The following MAMLD1 variants were observed in gnomAD, a reference collection of about 807,000 sequenced individuals.
MAMLD1 encodes mastermind-like domain-containing protein 1.
In MAMLD1, 14 loss-of-function variants were observed where a neutral mutation model predicts 45.0. The ratio of observed to expected loss-of-function variants is 0.31; its 90% CI spans 0.21 to 0.49. The LOEUF (loss-of-function observed/expected upper bound fraction) is 0.49. Among genes scored for constraint, MAMLD1 ranks in the 20% least tolerant of loss-of-function variants. The pLI is 0.99. For synonymous variants in MAMLD1, 254 were observed against 247.8 expected, an observed-to-expected ratio of 1.02 and a Z score of -0.24; for missense variants, 543 against 603.6, an observed-to-expected ratio of 0.90 and a Z score of 1.05.
At chrX:150,409,250 C>G (rs1557402759) in intron 1 of MAMLD1, among the ~76,000 whole-genome samples, 17 of 111,878 alleles carry the variant, frequency 1.5e-4, no homozygotes, top group African/African-American at 5.5e-4. Context: ...CTTACCTTTG[C>G]TGGGTAGTCA....
chrX:150,475,364 T>A (rs782492047), intron 5 of MAMLD1, among the ~76,000 whole-genome samples: 1 of 111,697 alleles, frequency 9.0e-6, no homozygotes, highest in South Asian at 3.7e-4. Flanking sequence ...CCACCGCACC[T>A]GGTCTAGATC....
chrX:150,401,838 T>C (rs1461844923), intron 1 of MAMLD1, among the ~76,000 whole-genome samples: 10 of 110,575 alleles, frequency 9.0e-5, no homozygotes, highest in Non-Finnish European at 1.7e-4. Context: ...CCCTATTTAA[T>C]AAATGGTGCT....
chrX:150,444,616 T>C (rs1049118843), intron 1 of MAMLD1, among the ~76,000 whole-genome samples: 6 of 112,110 alleles, frequency 5.4e-5, no homozygotes, highest in Admixed American at 1.9e-4. Flanking sequence ...TACTTCTCCA[T>C]ATTTCCAGAG....
At chrX:150,496,226 G>T (rs1396770182) in intron 5 of MAMLD1, among the ~76,000 whole-genome samples, 1 of 112,586 alleles carries the variant, frequency 8.9e-6, no homozygotes, top group Non-Finnish European at 1.9e-5. Context: ...GGCAGGTGGG[G>T]GTTGGGGTGA....
chrX:150,437,419 T>C (rs1335665447), intron 1 of MAMLD1, among the ~76,000 whole-genome samples: 1 of 112,079 alleles, frequency 8.9e-6, no homozygotes, highest in African/African-American at 3.2e-5. Flanking sequence ...TTATGTTGAA[T>C]ATCAGTGTCA....
chrX:150,398,343 GGAA>G (rs1211927950), intron 1 of MAMLD1, among the ~76,000 whole-genome samples: 1 of 56,469 alleles, frequency 1.8e-5, no homozygotes, highest in South Asian at 8.4e-4. Flanking sequence ...AAGAAGAAGA[GGAA>G]GAGGAAGAGG....
chrX:150,415,690 A>T (rs2034231399), intron 1 of MAMLD1, among the ~76,000 whole-genome samples: 1 of 112,320 alleles, frequency 8.9e-6, no homozygotes, highest in Non-Finnish European at 1.9e-5. Context: ...ATGGTAGTGG[A>T]TGACATTCCA....
At chrX:150,398,335 GAAGAAGAGGAAGAGGAAGA>G (rs2033586668) in intron 1 of MAMLD1, among the ~76,000 whole-genome samples, 1 of 76,691 alleles carries the variant, frequency 1.3e-5, no homozygotes, top group Admixed American at 1.7e-4. Context: ...AGAAGAAGAA[GAAGAAGAGGAAGAGGAAGA>G]GGAAGAGGAA....
intron 5 of MAMLD1, among the ~76,000 whole-genome samples, chrX:150,500,468 C>T (rs2037520044): frequency 9.0e-6 from 1 of 111,200 alleles, no homozygotes; most frequent in Non-Finnish European, 1.9e-5. Flanking sequence ...GGAAACTGGG[C>T]TGACCTGGTT....
chrX:150,385,266 C>T (rs1047548504), intron 1 of MAMLD1, among the ~76,000 whole-genome samples: 1 of 94,957 alleles, frequency 1.1e-5, no homozygotes, highest in African/African-American at 4.2e-5. Context: ...TTCTTTATGC[C>T]TGAACAATAC....
At chrX:150,505,416 G>A (rs1487018672) in intron 6 of MAMLD1, among the ~76,000 whole-genome samples, 2 of 111,988 alleles carry the variant, frequency 1.8e-5, no homozygotes, top group African/African-American at 6.5e-5. Context: ...AGAGACACAC[G>A]GTGTTATCCC....
At chrX:150,439,355 TTTG>T (rs2035222291) in intron 1 of MAMLD1, among the ~76,000 whole-genome samples, 1 of 111,980 alleles carries the variant, frequency 8.9e-6, no homozygotes, top group Non-Finnish European at 1.9e-5. Context: ...ATTTATCTAT[TTTG>T]TTGTTGTTGT....
Position 150,514,012 on chromosome X carries a change from G to A in MAMLD1, c.*2053G>A. The A allele has an allele frequency of 3.4e-6, 1 of 291,035 alleles. No homozygotes were observed. The highest frequency in any genetic ancestry group is 6.0e-6 in the Non-Finnish European group (1 of 166,478). The allele number at this position is 291,035 out of a possible 1,213,427, so 24.0% of individuals were successfully genotyped here. The stretch of plus-strand genomic sequence containing the variant: ...CATGTATATTTAAGTGTCTGTTATA[G>A]AAAACCCACACCCACTGTCCTGTAA... On this transcript the variant is annotated 3_prime_UTR_variant, in exon 8 of 8. Transcript: ENST00000370401.
intron 1 of MAMLD1, among the ~76,000 whole-genome samples, chrX:150,443,551 C>A (rs1212521484): frequency 1.3e-4 from 11 of 83,255 alleles, no homozygotes; most frequent in African/African-American, 4.8e-4. Flanking sequence ...AATGCTATCC[C>A]TCCTCCCTCC....
In MAMLD1 at chrX:150,513,674, CCA is replaced by C; in HGVS notation, c.*1718_*1719del. 3.4e-6 allele frequency: 1 copy of C among 297,802 alleles called. No homozygotes were observed. The highest frequency in any genetic ancestry group is 5.9e-6 in the Non-Finnish European group (1 of 170,557). The allele number at this position is 297,802 out of a possible 1,213,427, so 24.5% of individuals were successfully genotyped here. A position where few individuals can be genotyped will look rare whatever the true frequency, so the allele number is the denominator to read the frequency against. On this transcript the variant is annotated 3_prime_UTR_variant, in exon 8 of 8. Coordinates refer to ENST00000370401, the MANE Select transcript of MAMLD1 (RefSeq NM_005491.5). Reference sequence around the variant, plus strand: ...AGAAGCCGTTTTATCGTTAAGTGCCCCACAGAGACACTTTACCAGGAGGCTGG... The same window carrying C: ...AGAAGCCGTTTTATCGTTAAGTGCCCCAGAGACACTTTACCAGGAGGCTGG...
At chrX:150,403,940 A>AAAAGAAAGAAAGAAAGAGAAAG (rs1557402563) in intron 1 of MAMLD1, among the ~76,000 whole-genome samples, 119 of 58,886 alleles carry the variant, frequency 2.0e-3, no homozygotes, top group Non-Finnish European at 3.4e-3. Context: ...AGAAAGAAAG[A>AAAAGAAAGAAAGAAAGAGAAAG]AAAGAAAGAA....
At position 150,445,835 on chromosome X, in the gene MAMLD1, G is replaced by A. The variant is rs986250468; in HGVS notation, c.96+223G>A. ...GAAATATAGTCTAAGGTTCCATATA[G>A]CCTCCCAGTCTAGTAGTGATCACTG... is the stretch of plus-strand genomic sequence containing the variant. On this transcript the variant is annotated intron_variant, in intron 2 of 7. Transcript: ENST00000370401. Among the ~76,000 whole-genome samples, 5 of 111,257 alleles carry A rather than the reference G, an allele frequency of 4.5e-5. No individual in the cohort carries two copies. In the Admixed American group the frequency reaches 4.8e-4, roughly 11 times the overall value.
At chrX:150,460,560 G>A (rs1189613318) in intron 2 of MAMLD1, among the ~76,000 whole-genome samples, 1 of 111,860 alleles carries the variant, frequency 8.9e-6, no homozygotes, top group African/African-American at 3.3e-5. Flanking sequence ...AGCCTGGCAT[G>A]GGTCAGATCA....
intron 6 of MAMLD1, chrX:150,509,602 C>A: frequency 4.4e-6 from 1 of 226,876 alleles, no homozygotes; most frequent in Non-Finnish European, 8.0e-6. Context: ...TCTATTAATG[C>A]AGCCTAATGT....
Sources: allele counts gnomAD v4.1 joint callset (sites outside exome capture counted in the v4.1 genomes callset), GRCh38; gene constraint gnomAD v4.1.1; transcripts MANE v1.5; gene names NCBI Gene and HGNC (gene_info 2026-07-23, HGNC 2026-07-21).